Variants in CDH23 observed in about 807,000 individuals in gnomAD.
CDH23 encodes the protein cadherin-23.
CDH23 carries 189 observed loss-of-function variants against 317.1 expected under a neutral mutation model. The observed-to-expected ratio is 0.60, with a 90% CI of 0.53 to 0.67. The LOEUF is 0.67. CDH23 is among the 30% of genes least tolerant of loss of function. The pLI is 0.00. For synonymous variants in CDH23, 1,839 were observed against 1,876.8 expected (o/e 0.98, Z 0.52); for missense variants, 4,401 against 4,592.4 (o/e 0.96, Z 1.20).
At chr10:71,605,667 C>T (rs1814725081) in intron 9 of CDH23, among the ~76,000 whole-genome samples, 1 of 152,142 alleles carries the variant, frequency 6.6e-6, no homozygotes. Context: ...TTTTAAAACA[C>T]ATCATAAACA....
At position 71,707,225 on chromosome 10, in the gene CDH23, A is replaced by G. The variant is rs1564746085; in HGVS notation, c.3106+176A>G. ...CGAGGATTTGCTCCTGGCTCTTCCC[A>G]AGGGCTTTGCAGCTGGATCACTCTG... On this transcript the variant is annotated intron_variant, in intron 26 of 69. Coordinates refer to ENST00000224721, the MANE Select transcript of CDH23 (RefSeq NM_022124.6). The G allele has an allele frequency of 3.9e-5, 58 of 1,483,138 alleles. 1 individual carries two copies. The South Asian group carries it at 5.8e-4, about 15-fold the overall frequency. The allele number at this position is 1,483,138 out of a possible 1,614,324, so 91.9% of individuals were successfully genotyped here.
intron 38 of CDH23, among the ~76,000 whole-genome samples, chr10:71,765,686 C>G (rs556688850): frequency 6.6e-6 from 1 of 152,090 alleles, no homozygotes; most frequent in Admixed American, 6.5e-5. Flanking sequence ...TCAGGGAGTA[C>G]GGGAGAGGGG....
chr10:71,556,241 A>G (rs995391838), intron 6 of CDH23, among the ~76,000 whole-genome samples: 1 of 152,038 alleles, frequency 6.6e-6, no homozygotes, highest in Non-Finnish European at 1.5e-5. Flanking sequence ...TTTGGGGGGA[A>G]ATGAGATGCT....
intron 27 of CDH23, 106 bp from the exon 28 acceptor site, chr10:71,712,559 G>A (rs1329237748): frequency 9.8e-6 from 13 of 1,326,144 alleles, no homozygotes; most frequent in East Asian, 4.9e-5. Flanking sequence ...CAGATGGGGC[G>A]GAACAGGGCA....
At chr10:71,399,564 T>A (rs879459310) in intron 1 of CDH23, among the ~76,000 whole-genome samples, 3 of 152,306 alleles carry the variant, frequency 2.0e-5, no homozygotes, top group South Asian at 4.1e-4. Flanking sequence ...TTAGGGTTTT[T>A]TAAATAGATT....
intron 52 of CDH23, among the ~76,000 whole-genome samples, 193 bp downstream of exon 52, chr10:71,799,822 T>G (rs1841508825): frequency 6.6e-6 from 1 of 152,370 alleles, no homozygotes; most frequent in East Asian, 1.9e-4. Context: ...GTGGCCTTTC[T>G]GTCTCAACAG....
In CDH23 at chr10:71,477,461, G is replaced by A. The variant is rs532017181; in HGVS notation, c.145+31066G>A. Among the ~76,000 whole-genome samples, 22 of 152,232 alleles carry A rather than the reference G, an allele frequency of 1.4e-4. No homozygotes were observed. The East Asian group carries it at 2.9e-3, about 20-fold the overall frequency. Reference sequence around the variant, plus strand: ...TAGGATTATAGGCGTGAGCCACCGCGCCCAGCCCCAGGCTCCTCTTTGAAT... The same window carrying A: ...TAGGATTATAGGCGTGAGCCACCGCACCCAGCCCCAGGCTCCTCTTTGAAT... On this transcript the variant is annotated intron_variant, in intron 3 of 69. Coordinates refer to ENST00000224721, the MANE Select transcript of CDH23 (RefSeq NM_022124.6).
chr10:71,412,587 C>A (rs1848386175), intron 1 of CDH23, among the ~76,000 whole-genome samples: 1 of 152,072 alleles, frequency 6.6e-6, no homozygotes, highest in Non-Finnish European at 1.5e-5. Context: ...TTGTGCACTA[C>A]AGTTTAGAAC....
intron 6 of CDH23, among the ~76,000 whole-genome samples, chr10:71,552,473 G>A (rs1435503814): frequency 6.6e-6 from 1 of 152,232 alleles, no homozygotes; most frequent in African/African-American, 2.4e-5. Context: ...GTTTTAACCT[G>A]TGCTTCATCT....
At chr10:71,812,923 C>T (rs971047469) in intron 68 of CDH23, 33 bp downstream of exon 68, 37 of 1,609,278 alleles carry the variant, frequency 2.3e-5, no homozygotes, top group African/African-American at 2.7e-5. Context: ...GCGCCCAGTC[C>T]CTTGGCTGAG....
At chr10:71,422,081 A>T (rs965379039) in intron 1 of CDH23, among the ~76,000 whole-genome samples, 1 of 152,248 alleles carries the variant, frequency 6.6e-6, no homozygotes, top group African/African-American at 2.4e-5. Context: ...TGAGGAGCCA[A>T]CTATAGTAAT....
intron 14 of CDH23, among the ~76,000 whole-genome samples, chr10:71,652,226 C>T (rs985435482): frequency 6.6e-6 from 1 of 152,196 alleles, no homozygotes; most frequent in Non-Finnish European, 1.5e-5. Context: ...AAGCCTGCTC[C>T]TCTCTCATCT....
intron 3 of CDH23, among the ~76,000 whole-genome samples, chr10:71,450,880 G>C (rs1342820635): frequency 6.6e-6 from 1 of 151,980 alleles, no homozygotes; most frequent in African/African-American, 2.4e-5. Context: ...TTTTCTGTCT[G>C]GGCTGCTCTC....
At chr10:71,577,605 T>G (rs1450460584) in intron 8 of CDH23, among the ~76,000 whole-genome samples, 1 of 152,214 alleles carries the variant, frequency 6.6e-6, no homozygotes, top group Non-Finnish European at 1.5e-5. Context: ...AGACCAGATC[T>G]CTTGTCTCTT....
rs761467389 is a variant in CDH23 at position 71,751,819 on chromosome 10, T to C, written c.4845+9898T>C. On this transcript the variant is annotated intron_variant, in intron 38 of 69. Coordinates refer to ENST00000224721, the MANE Select transcript of CDH23 (RefSeq NM_022124.6). The surrounding 1 kb of genome is among the most constrained non-coding windows in gnomAD (Gnocchi z 4.9). ...TGGCCTCGGGTATCCCCTGGGCAGG[T>C]GGTGAGGCTTCAAAGCCGGGGTTTT... The C allele has an allele frequency of 1.3e-6, 2 of 1,573,528 alleles. No homozygotes were observed. Among genetic ancestry groups the C allele is most frequent in the Non-Finnish European group, 1.7e-6 (2 of 1,161,338 alleles).
chr10:71,728,325 A>T (rs1866907752), intron 30 of CDH23, among the ~76,000 whole-genome samples: 1 of 152,066 alleles, frequency 6.6e-6, no homozygotes, highest in South Asian at 2.1e-4. Flanking sequence ...GTGTCTGGAC[A>T]TGAAAATTCT....
intron 11 of CDH23, among the ~76,000 whole-genome samples, chr10:71,638,071 C>G (rs1862361302): frequency 6.6e-6 from 1 of 152,196 alleles, no homozygotes; most frequent in Non-Finnish European, 1.5e-5. Flanking sequence ...CAAGAAAACA[C>G]AATTCACATG....
chr10:71,712,451 G>A, intron 27 of CDH23: 1 of 569,910 alleles, frequency 1.8e-6, no homozygotes, highest in Admixed American at 3.0e-5. Flanking sequence ...GACTGAATGG[G>A]TTAGAAGAAT....
intron 60 of CDH23, among the ~76,000 whole-genome samples, chr10:71,808,507 G>A (rs1938212999): frequency 2.6e-5 from 4 of 152,184 alleles, no homozygotes; most frequent in Admixed American, 2.6e-4. Context: ...TGTTAGGACT[G>A]GGGCACCAGG....
Sources: allele counts gnomAD v4.1 joint callset (sites outside exome capture counted in the v4.1 genomes callset), GRCh38; gene constraint gnomAD v4.1.1; non-coding constraint Gnocchi (gnomAD v3.1); transcripts MANE v1.5; gene names NCBI Gene and HGNC (gene_info 2026-07-23, HGNC 2026-07-21).